The following CNTN6 variants were observed in gnomAD, a reference collection of about 807,000 sequenced individuals.
CNTN6 encodes contactin-6.
Under a neutral mutation model 122.8 loss-of-function variants are expected in CNTN6, and 137 were observed. The observed-to-expected ratio is 1.12, with a 90% CI of 0.97 to 1.29. CNTN6 has a LOEUF of 1.29. CNTN6 is among the 50% of genes most tolerant of loss of function. The pLI, the probability that CNTN6 is intolerant of heterozygous loss-of-function variation, is 0.00. For synonymous variants in CNTN6, 570 were observed against 426.0 expected, an observed-to-expected ratio of 1.34 and a Z score of -4.16; for missense variants, 1,634 against 1,223.4, an observed-to-expected ratio of 1.34 and a Z score of -5.01.
chr3:1,339,037 A>G (rs1221912934), intron 11 of CNTN6, among the ~76,000 whole-genome samples: 1 of 152,122 alleles, frequency 6.6e-6, no homozygotes, highest in African/African-American at 2.4e-5. Context: ...AAACCTTCCA[A>G]ACAAGCAGTG....
At chr3:1,183,571 T>C (rs961554013) in intron 2 of CNTN6, among the ~76,000 whole-genome samples, 4 of 152,132 alleles carry the variant, frequency 2.6e-5, no homozygotes, top group Non-Finnish European at 4.4e-5. Flanking sequence ...TTTCTGCACA[T>C]TCTGGACACA....
At chr3:1,350,945 C>T (rs1705532615) in intron 11 of CNTN6, among the ~76,000 whole-genome samples, 1 of 151,774 alleles carries the variant, frequency 6.6e-6, no homozygotes, top group Non-Finnish European at 1.5e-5. Flanking sequence ...TCAATAATGG[C>T]ATAATTCAAT....
intron 2 of CNTN6, among the ~76,000 whole-genome samples, chr3:1,197,194 T>C (rs913973952): frequency 7.2e-5 from 11 of 152,244 alleles, no homozygotes; most frequent in African/African-American, 1.9e-4. Flanking sequence ...CCATTGTTCA[T>C]TGACATACCT....
At chr3:1,277,212 C>T (rs1240954628) in intron 4 of CNTN6, among the ~76,000 whole-genome samples, 3 of 152,064 alleles carry the variant, frequency 2.0e-5, no homozygotes, top group African/African-American at 7.2e-5. Context: ...ATGATGTATT[C>T]ATTTTAAAAA....
intron 5 of CNTN6, among the ~76,000 whole-genome samples, chr3:1,294,785 C>T (rs183167513): frequency 6.6e-6 from 1 of 152,258 alleles, no homozygotes; most frequent in African/African-American, 2.4e-5. Context: ...ACACATCATT[C>T]TAGGCTCCTT....
At chr3:1,132,729 G>A (rs1441588183) in intron 1 of CNTN6, among the ~76,000 whole-genome samples, 1 of 151,460 alleles carries the variant, frequency 6.6e-6, no homozygotes. Context: ...CCTTGCTGGG[G>A]GTCACTTTAC....
intron 1 of CNTN6, among the ~76,000 whole-genome samples, chr3:1,130,560 C>A (rs1398897499): frequency 1.3e-5 from 2 of 152,134 alleles, no homozygotes; most frequent in South Asian, 2.1e-4. Flanking sequence ...CCCAGAGGAA[C>A]TGAGATCCAG....
intron 4 of CNTN6, among the ~76,000 whole-genome samples, chr3:1,241,346 A>G (rs567889106): frequency 6.6e-6 from 1 of 152,128 alleles, no homozygotes; most frequent in South Asian, 2.1e-4. Flanking sequence ...GATGTTTCTC[A>G]GGGCTGCTTC....
chr3:1,157,430 T>C (rs1253257756), intron 2 of CNTN6, among the ~76,000 whole-genome samples: 1 of 151,876 alleles, frequency 6.6e-6, no homozygotes. Flanking sequence ...TTAGCTAGCC[T>C]GATCTTGAAC....
chr3:1,118,671 C>A (rs190415036), intron 1 of CNTN6, among the ~76,000 whole-genome samples: 27 of 152,134 alleles, frequency 1.8e-4, no homozygotes, highest in Admixed American at 1.7e-3. Context: ...ATGTTGTTTT[C>A]TTCTATTCAA....
intron 12 of CNTN6, among the ~76,000 whole-genome samples, chr3:1,365,714 C>G (rs1026265053): frequency 6.6e-6 from 1 of 151,946 alleles, no homozygotes. Flanking sequence ...TACTTTTGCA[C>G]CAATCCAATA....
At chr3:1,207,165 C>T (rs1264910836) in intron 2 of CNTN6, among the ~76,000 whole-genome samples, 1 of 151,966 alleles carries the variant, frequency 6.6e-6, no homozygotes, top group African/African-American at 2.4e-5. Context: ...AGTCTTTGTC[C>T]TCCTCCCAAC....
At chr3:1,375,346 T>A (rs1179866075) in intron 16 of CNTN6, among the ~76,000 whole-genome samples, 1 of 152,060 alleles carries the variant, frequency 6.6e-6, no homozygotes, top group Admixed American at 6.6e-5. Flanking sequence ...ATGAGACTGG[T>A]GATATTCATA....
intron 4 of CNTN6, among the ~76,000 whole-genome samples, chr3:1,231,351 A>G (rs1429135146): frequency 1.3e-5 from 2 of 152,240 alleles, no homozygotes; most frequent in South Asian, 2.1e-4. Context: ...TTGGCAGTCC[A>G]TTGTAAAATG....
intron 1 of CNTN6, among the ~76,000 whole-genome samples, chr3:1,118,255 T>A (rs1359743778): frequency 6.6e-6 from 1 of 152,174 alleles, no homozygotes; most frequent in Non-Finnish European, 1.5e-5. Flanking sequence ...CAGGACTCGG[T>A]GACTCACTGA....
At chr3:1,094,598 A>AT (rs1008302512) in intron 1 of CNTN6, among the ~76,000 whole-genome samples, 4 of 151,634 alleles carry the variant, frequency 2.6e-5, no homozygotes, top group Admixed American at 6.6e-5. Flanking sequence ...AAGGACCAGA[A>AT]TTTTTTTTTA....
At chr3:1,100,034 T>C (rs1356007286) in intron 1 of CNTN6, among the ~76,000 whole-genome samples, 1 of 152,164 alleles carries the variant, frequency 6.6e-6, no homozygotes, top group African/African-American at 2.4e-5. Flanking sequence ...AGTGCTCATA[T>C]TTGCACTATT....
intron 2 of CNTN6, among the ~76,000 whole-genome samples, chr3:1,218,975 A>G (rs978837970): frequency 7.2e-6 from 1 of 138,876 alleles, no homozygotes; most frequent in African/African-American, 3.0e-5. Context: ...GAAGAATTCA[A>G]AGAAGGGTAA....
intron 20 of CNTN6, chr3:1,394,261 C>A (rs562777856): frequency 4.4e-6 from 1 of 228,636 alleles, no homozygotes; most frequent in South Asian, 5.0e-5. Context: ...AACAAGACAG[C>A]CAGGAATCAG....
Sources: allele counts gnomAD v4.1 joint callset (sites outside exome capture counted in the v4.1 genomes callset), GRCh38; gene constraint gnomAD v4.1.1; transcripts MANE v1.5; gene names NCBI Gene and HGNC (gene_info 2026-07-23, HGNC 2026-07-21).